The following UVRAG variants were observed in gnomAD, a reference collection of about 807,000 sequenced individuals.
UVRAG encodes UV radiation resistance-associated gene protein.
In UVRAG, 19 loss-of-function variants were observed where a neutral mutation model predicts 78.0. The observed-to-expected ratio is 0.24, with a 90% confidence interval of 0.17 to 0.36. UVRAG has a LOEUF of 0.36. Ranked by LOEUF, UVRAG falls within the 10% of genes least tolerant of loss-of-function variation. The probability of loss-of-function intolerance (pLI) is 1.00; values close to 1 mark genes in which losing one functional copy is unlikely to be tolerated. For synonymous variants in UVRAG, 323 were observed against 324.6 expected, an observed-to-expected ratio of 1.00 and a Z score of 0.05; for missense variants, 740 against 853.8, an observed-to-expected ratio of 0.87 and a Z score of 1.66.
intron 6 of UVRAG, among the ~76,000 whole-genome samples, chr11:75,917,101 G>A (rs953306654): frequency 6.6e-6 from 1 of 152,180 alleles, no homozygotes; most frequent in African/African-American, 2.4e-5. Flanking sequence ...GGAAGGGACT[G>A]TTATCATCTT....
At position 75,884,849 on chromosome 11, in the gene UVRAG, A is replaced by G. The variant is rs1053696227; in HGVS notation, c.433-3980A>G. On this transcript the variant is annotated intron_variant, in intron 4 of 14. Coordinates refer to ENST00000356136, the MANE Select transcript of UVRAG (RefSeq NM_003369.4). Reference sequence around the variant, plus strand: ...GTTCTTCAACTTTGTTCTTTTTTCAAAAAATTTCTGGCTATTCTAGGTCTT... The same window carrying G: ...GTTCTTCAACTTTGTTCTTTTTTCAGAAAATTTCTGGCTATTCTAGGTCTT... 3.9e-5 allele frequency among the ~76,000 whole-genome samples: 6 copies of G among 152,100 alleles called. No individual in the cohort carries two copies. The East Asian group carries it at 5.8e-4, about 15-fold the overall frequency.
chr11:75,997,319 C>T (rs1279193655), intron 8 of UVRAG, among the ~76,000 whole-genome samples: 1 of 152,220 alleles, frequency 6.6e-6, no homozygotes. Context: ...GAGAGAGAAC[C>T]AAGAGTCTGT....
intron 2 of UVRAG, 113 bp from the exon 3 acceptor site, chr11:75,861,633 A>T (rs1946424403): frequency 1.4e-6 from 1 of 691,286 alleles, no homozygotes; most frequent in Non-Finnish European, 2.4e-6. Flanking sequence ...ATCCCTTGAA[A>T]ATATTTTAAA....
chr11:76,008,033 G>A (rs748598551), intron 10 of UVRAG, among the ~76,000 whole-genome samples: 10 of 151,626 alleles, frequency 6.6e-5, no homozygotes, highest in Non-Finnish European at 1.3e-4. Context: ...TCAGCCTCCC[G>A]AGTAGCTGGG....
intron 7 of UVRAG, among the ~76,000 whole-genome samples, chr11:75,964,188 A>T (rs1003830307): frequency 1.3e-5 from 2 of 152,158 alleles, no homozygotes; most frequent in African/African-American, 4.8e-5. Context: ...ATTTATAAAG[A>T]ATATTGGTCT....
intron 6 of UVRAG, among the ~76,000 whole-genome samples, chr11:75,937,543 T>A (rs1012069263): frequency 4.6e-5 from 7 of 152,198 alleles, no homozygotes; most frequent in African/African-American, 1.7e-4. Flanking sequence ...TACGGGTTTT[T>A]TATGTCTTTT....
At chr11:76,064,985 G>A (rs887826628) in intron 12 of UVRAG, among the ~76,000 whole-genome samples, 3 of 152,118 alleles carry the variant, frequency 2.0e-5, no homozygotes, top group African/African-American at 4.8e-5. Flanking sequence ...CTAGACTATA[G>A]GTATGCTCTA....
intron 6 of UVRAG, among the ~76,000 whole-genome samples, chr11:75,924,399 T>G (rs964373672): frequency 5.9e-5 from 9 of 151,988 alleles, no homozygotes; most frequent in African/African-American, 2.2e-4. Context: ...TTTTTGTTTT[T>G]TTTTGTGACG....
At chr11:75,841,776 G>A (rs140311524) in intron 1 of UVRAG, among the ~76,000 whole-genome samples, 15 of 152,194 alleles carry the variant, frequency 9.9e-5, no homozygotes, top group Admixed American at 2.0e-4. Context: ...GTCCTTACCC[G>A]TGTCAACCCC....
At chr11:75,824,047 T>A (rs1029350562) in intron 1 of UVRAG, among the ~76,000 whole-genome samples, 7 of 152,178 alleles carry the variant, frequency 4.6e-5, no homozygotes, top group African/African-American at 1.7e-4. Flanking sequence ...TCTAATTTAA[T>A]CATTTTTCTA....
chr11:75,997,628 G>A (rs908925044), intron 8 of UVRAG, among the ~76,000 whole-genome samples: 23 of 152,180 alleles, frequency 1.5e-4, no homozygotes, highest in African/African-American at 4.1e-4. Flanking sequence ...AAACAAAAGA[G>A]GATGTCATTG....
chr11:76,019,107 A>T (rs1399230731), intron 12 of UVRAG, among the ~76,000 whole-genome samples: 1 of 152,268 alleles, frequency 6.6e-6, no homozygotes, highest in Non-Finnish European at 1.5e-5. Context: ...TTCTTGATCA[A>T]TTCTGCTATT....
intron 12 of UVRAG, among the ~76,000 whole-genome samples, chr11:76,018,984 G>A (rs1950194974): frequency 6.6e-6 from 1 of 151,984 alleles, no homozygotes; most frequent in Non-Finnish European, 1.5e-5. Flanking sequence ...GCCCTTTGAG[G>A]CTATTTTCTA....
At chr11:75,865,329 C>T (rs1400395543) in intron 3 of UVRAG, among the ~76,000 whole-genome samples, 6 of 151,454 alleles carry the variant, frequency 4.0e-5, no homozygotes, top group African/African-American at 1.5e-4. Context: ...GAGTGTTTTC[C>T]CCCAAATATT....
At chr11:75,866,979 CTT>C (rs1433870849) in intron 3 of UVRAG, among the ~76,000 whole-genome samples, 1 of 152,112 alleles carries the variant, frequency 6.6e-6, no homozygotes, top group Non-Finnish European at 1.5e-5. Flanking sequence ...ATTTAGCAGT[CTT>C]TCCTTTTTTC....
intron 1 of UVRAG, among the ~76,000 whole-genome samples, chr11:75,832,153 A>T (rs985225643): frequency 5.3e-5 from 8 of 152,244 alleles, no homozygotes; most frequent in Non-Finnish European, 1.2e-4. Context: ...ACTTCTGACA[A>T]CAAATATGTT....
intron 1 of UVRAG, among the ~76,000 whole-genome samples, chr11:75,839,312 A>C (rs1565339432): frequency 6.6e-6 from 1 of 152,008 alleles, no homozygotes; most frequent in Non-Finnish European, 1.5e-5. Context: ...GCCTAATTTT[A>C]AAGTGTTTTA....
intron 1 of UVRAG, among the ~76,000 whole-genome samples, chr11:75,825,111 CTT>C (rs112517783): frequency 1.4e-4 from 20 of 141,246 alleles, no homozygotes; most frequent in Admixed American, 2.1e-4. Context: ...TAAGTAATGT[CTT>C]TTTTTTTTTT....
intron 8 of UVRAG, among the ~76,000 whole-genome samples, chr11:75,992,413 T>C (rs1206655662): frequency 6.6e-6 from 1 of 152,214 alleles, no homozygotes; most frequent in East Asian, 1.9e-4. Context: ...TATATGTTTT[T>C]GAGATGAGAA....
Sources: allele counts gnomAD v4.1 joint callset (sites outside exome capture counted in the v4.1 genomes callset), GRCh38; gene constraint gnomAD v4.1.1; transcripts MANE v1.5; gene names NCBI Gene and HGNC (gene_info 2026-07-23, HGNC 2026-07-21).